Variants in THSD4 observed in about 807,000 individuals in gnomAD.
The protein encoded by THSD4 is thrombospondin type-1 domain-containing protein 4.
A neutral mutation model predicts 119.0 loss-of-function variants in THSD4; 69 were observed. The observed-to-expected ratio is 0.58, with a 90% CI of 0.48 to 0.71. The LOEUF is 0.71. Among genes scored for constraint, THSD4 ranks in the 30% least tolerant of loss-of-function variants. The pLI is 0.00. For missense variants in THSD4, 1,393 were observed against 1,391.1 expected (o/e 1.00, Z -0.02); for synonymous variants, 524 against 540.4 (o/e 0.97, Z 0.42).
intron 7 of THSD4, among the ~76,000 whole-genome samples, chr15:71,629,453 G>A (rs1005086160): frequency 1.4e-4 from 21 of 152,148 alleles, no homozygotes; most frequent in African/African-American, 2.9e-4. Flanking sequence ...GGGCCTTTCC[G>A]CAGCTGCTGG....
intron 7 of THSD4, among the ~76,000 whole-genome samples, chr15:71,530,663 T>G (rs529060182): frequency 2.9e-4 from 44 of 152,288 alleles, no homozygotes; most frequent in Non-Finnish European, 5.6e-4. Flanking sequence ...TCCTCCAAAA[T>G]ATCTCCTCAT....
intron 6 of THSD4, among the ~76,000 whole-genome samples, chr15:71,390,420 G>C (rs905353946): frequency 6.6e-6 from 1 of 152,160 alleles, no homozygotes; most frequent in African/African-American, 2.4e-5. Flanking sequence ...TTTACTTAAA[G>C]GGTAAAAGTA....
intron 16 of THSD4, among the ~76,000 whole-genome samples, chr15:71,770,605 A>T (rs1567144892): frequency 6.6e-6 from 1 of 152,200 alleles, no homozygotes; most frequent in Non-Finnish European, 1.5e-5. Flanking sequence ...CAGCAAGCCG[A>T]GATCACGCCA....
intron 8 of THSD4, among the ~76,000 whole-genome samples, chr15:71,714,212 T>C (rs2052565186): frequency 6.6e-6 from 1 of 152,220 alleles, no homozygotes; most frequent in Admixed American, 6.5e-5. Flanking sequence ...GAAGATAGTT[T>C]ATATAAGCAC....
intron 2 of THSD4, among the ~76,000 whole-genome samples, chr15:71,143,766 C>T (rs1238817514): frequency 3.6e-5 from 5 of 137,620 alleles, no homozygotes; most frequent in East Asian, 4.3e-4. Context: ...AGTACAGTGG[C>T]GCAATCATAG....
At chr15:71,283,361 G>A (rs894610042) in intron 6 of THSD4, among the ~76,000 whole-genome samples, 3 of 152,126 alleles carry the variant, frequency 2.0e-5, no homozygotes, top group African/African-American at 7.2e-5. Flanking sequence ...AAGTCTACCA[G>A]CCCTGTTGCT....
chr15:71,194,119 C>T (rs990762248), intron 3 of THSD4, among the ~76,000 whole-genome samples: 4 of 152,230 alleles, frequency 2.6e-5, no homozygotes, highest in Non-Finnish European at 4.4e-5. Flanking sequence ...ATTGTGAGGC[C>T]TTCCCAGCCA....
At chr15:71,275,883 A>G (rs2044584101) in intron 6 of THSD4, among the ~76,000 whole-genome samples, 2 of 152,092 alleles carry the variant, frequency 1.3e-5, no homozygotes, top group African/African-American at 2.4e-5. Context: ...GATGATTCTA[A>G]GTTTTCTGAG....
chr15:71,192,695 G>A (rs1415609829), intron 3 of THSD4, among the ~76,000 whole-genome samples: 2 of 152,098 alleles, frequency 1.3e-5, no homozygotes, highest in Non-Finnish European at 2.9e-5. Flanking sequence ...TTATTTCAGT[G>A]TCCTGCAGTT....
chr15:71,292,358 T>C (rs1331354623), intron 6 of THSD4, among the ~76,000 whole-genome samples: 1 of 152,224 alleles, frequency 6.6e-6, no homozygotes. Flanking sequence ...CTCATGCTTG[T>C]GTAGTTTCTT....
At chr15:71,489,665 TA>T (rs559066874) in intron 7 of THSD4, among the ~76,000 whole-genome samples, 37 of 152,212 alleles carry the variant, frequency 2.4e-4, no homozygotes, top group African/African-American at 8.7e-4. Context: ...TTGTAACCCT[TA>T]AAAAAAATTT....
At chr15:71,509,756 T>A (rs968483563) in intron 7 of THSD4, among the ~76,000 whole-genome samples, 1 of 152,168 alleles carries the variant, frequency 6.6e-6, no homozygotes, top group East Asian at 1.9e-4. Flanking sequence ...AAGTGGTGGA[T>A]CCTAGGTAGG....
chr15:71,591,596 C>T (rs1174265637), intron 7 of THSD4, among the ~76,000 whole-genome samples: 1 of 152,134 alleles, frequency 6.6e-6, no homozygotes, highest in Non-Finnish European at 1.5e-5. Flanking sequence ...GGACAAACAC[C>T]TGGTGAATTC....
intron 7 of THSD4, among the ~76,000 whole-genome samples, chr15:71,573,164 C>T (rs1327889342): frequency 2.0e-5 from 3 of 152,046 alleles, no homozygotes; most frequent in East Asian, 1.9e-4. Context: ...GTGAGGAATC[C>T]GAGCCTCCTA....
intron 6 of THSD4, among the ~76,000 whole-genome samples, chr15:71,282,509 T>C (rs2044665186): frequency 6.6e-6 from 1 of 152,224 alleles, no homozygotes; most frequent in Non-Finnish European, 1.5e-5. Flanking sequence ...GGGGTAGCCA[T>C]TGCTTGTCCA....
At chr15:71,450,013 T>A (rs1340659816) in intron 7 of THSD4, among the ~76,000 whole-genome samples, 1 of 152,222 alleles carries the variant, frequency 6.6e-6, no homozygotes, top group Non-Finnish European at 1.5e-5. Flanking sequence ...GACTCTGGCC[T>A]AGGGCAGCTG....
intron 2 of THSD4, among the ~76,000 whole-genome samples, chr15:71,148,538 T>C (rs1162950402): frequency 6.6e-6 from 1 of 152,106 alleles, no homozygotes; most frequent in Non-Finnish European, 1.5e-5. Flanking sequence ...GTTTGGGATT[T>C]ATATGGTCAG....
chr15:71,162,118 T>G (rs1325894735), intron 3 of THSD4, among the ~76,000 whole-genome samples: 1 of 152,028 alleles, frequency 6.6e-6, no homozygotes, highest in Non-Finnish European at 1.5e-5. Context: ...TGTTTTTGAC[T>G]TTTTTTGGCT....
At chr15:71,259,347 G>A (rs1396878153) in intron 6 of THSD4, among the ~76,000 whole-genome samples, 1 of 152,134 alleles carries the variant, frequency 6.6e-6, no homozygotes, top group Non-Finnish European at 1.5e-5. Context: ...CTCTAGAACT[G>A]TGAGAATAAA....
Sources: gnomAD v4.1 joint callset for allele counts (sites outside exome capture counted in the v4.1 genomes callset) on GRCh38, gnomAD v4.1.1 for gene constraint, MANE v1.5 for transcripts, NCBI Gene and HGNC (gene_info 2026-07-23, HGNC 2026-07-21) for gene names.